DST: variants seen among roughly 807,000 people sequenced by gnomAD.
DST encodes dystonin, also known as bullous pemphigoid antigen.
In DST, 253 loss-of-function variants were observed where a neutral mutation model predicts 875.2. The ratio of observed to expected loss-of-function variants is 0.29; its 90% CI spans 0.26 to 0.32. DST has a LOEUF of 0.32. DST is among the 10% of genes least tolerant of loss of function. DST has a pLI of 1.00. For missense variants in DST, 8,287 were observed against 9,111.6 expected, an observed-to-expected ratio of 0.91 and a Z score of 3.68; for synonymous variants, 3,124 against 3,197.1, an observed-to-expected ratio of 0.98 and a Z score of 0.77.
At chr6:56,894,930 C>A (rs1790333896) in intron 3 of DST, among the ~76,000 whole-genome samples, 1 of 64,670 alleles carries the variant, frequency 1.5e-5, no homozygotes, top group South Asian at 4.8e-4. Flanking sequence ...TAGGGGCGGC[C>A]GGGCAGAGGC....
intron 69 of DST, among the ~76,000 whole-genome samples, chr6:56,525,466 A>G (rs1467323399): frequency 2.6e-5 from 4 of 152,190 alleles, no homozygotes; most frequent in African/African-American, 7.2e-5. Flanking sequence ...GCAGAACATT[A>G]TGCTTTAGAA....
At chr6:56,830,003 T>C (rs1482390926) in intron 4 of DST, among the ~76,000 whole-genome samples, 1 of 152,166 alleles carries the variant, frequency 6.6e-6, no homozygotes, top group Non-Finnish European at 1.5e-5. Flanking sequence ...TAATTGGATA[T>C]ATAACTCAAG....
chr6:56,935,784 G>T (rs1812710402), intron 2 of DST, among the ~76,000 whole-genome samples: 1 of 152,058 alleles, frequency 6.6e-6, no homozygotes, highest in African/African-American at 2.4e-5. Flanking sequence ...AATTAGCTGG[G>T]CATGGTGGTG....
At chr6:56,627,154 A>G in intron 34 of DST, 50 bp downstream of exon 34, 1 of 1,344,066 alleles carries the variant, frequency 7.4e-7, no homozygotes, top group South Asian at 1.2e-5. Context: ...GTACATGTAG[A>G]ATCACAAACC....
chr6:56,642,866 T>C lies in DST; in HGVS notation c.1779-363A>G, dbSNP rs1587614150. The C allele has an allele frequency of 2.5e-6, 4 of 1,602,584 alleles. No homozygotes were observed. The East Asian group carries it at 8.9e-5, about 36-fold the overall frequency. ...GTAGGAGGTCTGGAAAAAGCTCTAC[T>C]TCTAACGGTGAAAAGTGGCAGCTGA... is the stretch of plus-strand genomic sequence containing the variant. On this transcript the variant is annotated intron_variant, in intron 15 of 103. Coordinates refer to ENST00000680361, the MANE Select transcript of DST (RefSeq NM_001374736.1).
intron 2 of DST, among the ~76,000 whole-genome samples, chr6:56,916,776 TCTCACACACACACA>T (rs1343093580): frequency 9.7e-4 from 70 of 71,972 alleles, no homozygotes; most frequent in African/African-American, 3.7e-3. Context: ...TCTCTCTCTC[TCTCACACACACACA>T]CACACACACA....
At chr6:56,532,651 T>G in intron 63 of DST, 141 bp from the exon 64 acceptor site, 1 of 797,702 alleles carries the variant, frequency 1.3e-6, no homozygotes, top group Non-Finnish European at 1.9e-6. Flanking sequence ...AAAGCGAGAT[T>G]TTAAAGGTAA....
intron 47 of DST, among the ~76,000 whole-genome samples, chr6:56,594,632 G>T (rs2098339747): frequency 6.6e-6 from 1 of 152,082 alleles, no homozygotes; most frequent in Admixed American, 6.6e-5. Flanking sequence ...CTTTTAAATA[G>T]GGAAAAAGAA....
chr6:56,806,985 A>G (rs951869673), intron 4 of DST, among the ~76,000 whole-genome samples: 7 of 152,212 alleles, frequency 4.6e-5, no homozygotes, highest in African/African-American at 1.7e-4. Context: ...GAGAAATTAA[A>G]GGAGATCTAA....
intron 2 of DST, among the ~76,000 whole-genome samples, chr6:56,915,834 A>C (rs906758651): frequency 2.6e-5 from 4 of 152,234 alleles, no homozygotes; most frequent in African/African-American, 9.6e-5. Context: ...TACGCAAGGG[A>C]AGAATGAGTG....
rs543699475 is a variant in DST, at chr6:56,587,281, C to T, written c.12903+4901G>A. On this transcript the variant is annotated intron_variant, in intron 49 of 103. Transcript: ENST00000680361. ...TGAAGAATGCAGAAGCCTCAGGAGCCGATGCGATCAACTGGAAGAAAGGGT... is the reference window on the plus strand; with the variant it reads ...TGAAGAATGCAGAAGCCTCAGGAGCTGATGCGATCAACTGGAAGAAAGGGT... 2.1e-3 allele frequency among the ~76,000 whole-genome samples: 317 copies of T among 152,012 alleles called. 1 individual carries two copies. Among genetic ancestry groups the T allele is most frequent in the African/African-American group, 7.0e-3 (291 of 41,452 alleles).
At chr6:56,632,510 T>C (rs1410220129) in intron 28 of DST, among the ~76,000 whole-genome samples, 4 of 152,188 alleles carry the variant, frequency 2.6e-5, no homozygotes, top group Non-Finnish European at 5.9e-5. Context: ...GCAAAAACCT[T>C]TTGCTTTAAT....
intron 9 of DST, among the ~76,000 whole-genome samples, chr6:56,682,359 A>G (rs2099161078): frequency 6.6e-6 from 1 of 152,102 alleles, no homozygotes; most frequent in South Asian, 2.1e-4. Context: ...TTCACTTCAC[A>G]TAAGTAAGCT....
At position 56,646,121 on chromosome 6, in the gene DST, T is replaced by A; in HGVS notation, c.1616A>T (p.Lys539Ile). 1 of 1,545,874 alleles carries A rather than the reference T, an allele frequency of 6.5e-7. No individual in the cohort carries two copies. Among genetic ancestry groups the A allele is most frequent in the Non-Finnish European group, 8.8e-7 (1 of 1,138,402 alleles). ...ETEIPPKETE[K>I]SKIKRLYKLL... ...TTTATATAGACGTTTAATTTTTGATTTTTCTGTCTCCTTTGGTGGAATTTC... is the reference window on the plus strand; with the variant it reads ...TTTATATAGACGTTTAATTTTTGATATTTCTGTCTCCTTTGGTGGAATTTC... The change falls in exon 14 of 104, where the codon AAA (lysine) becomes ATA (isoleucine). Residue 539 changes from lysine to isoleucine, a missense_variant. This residue lies in a region of DST where 1,160 missense variants were observed against 1,424.3 expected (regional missense o/e 0.81). Transcript: ENST00000680361.
Position 56,511,381 on chromosome 6 carries a change from G to C in DST, c.18596C>G (p.Ala6199Gly), listed in dbSNP as rs1379388258. Residue 6199 changes from alanine (A) to glycine (G), a missense_variant, in exon 73 of 104, where the codon GCT becomes GGT. Physicochemically the swap from Ala to Gly is moderately conservative, Grantham distance 60. Coordinates refer to ENST00000680361, the MANE Select transcript of DST (RefSeq NM_001374736.1). ...EEHRQLRELIAEHKPHIDKMN... is the reference protein window; with the variant it reads ...EEHRQLRELIGEHKPHIDKMN... The stretch of plus-strand genomic sequence containing the variant: ...CTTATCTATATGAGGCTTGTGTTCA[G>C]CTATCAACTCACGCAGTTGCTATAA... 6.2e-7 allele frequency: 1 copy of C among 1,605,388 alleles called. No homozygotes were observed. Among genetic ancestry groups the C allele is most frequent in the Non-Finnish European group, 8.5e-7 (1 of 1,175,710 alleles).
chr6:56,515,609 C>A lies in DST; in HGVS notation c.18417G>T (p.Arg6139Ser), dbSNP rs1057519122. The change falls in exon 72 of 104, where the codon AGG becomes AGT. Residue 6139 changes from arginine to serine, a missense_variant. Arg to Ser is a moderately radical substitution (Grantham distance 110). Around this residue, in one of 10 missense-constraint regions of DST, gnomAD observed 1,292 missense variants for 1,552.7 expected, o/e 0.83. Transcript: ENST00000680361. ...ACTGTGCCCGTTCCAGCTGCAGATA[C>A]CTTTCTGAATTAATCTGGCAGATGG... ...YDTICQINSE[R>S]YLQLERAQSL... 1 of 1,613,666 alleles carries A rather than the reference C, an allele frequency of 6.2e-7. No homozygotes were observed. Among genetic ancestry groups the A allele is most frequent in the Non-Finnish European group, 8.5e-7 (1 of 1,179,734 alleles).
intron 4 of DST, among the ~76,000 whole-genome samples, chr6:56,820,761 C>A (rs1362942058): frequency 6.6e-6 from 1 of 151,948 alleles, no homozygotes; most frequent in Non-Finnish European, 1.5e-5. Context: ...GTGATTATTA[C>A]AAGTTATCTC....
At chr6:56,694,730 G>A (rs1225256654) in intron 9 of DST, among the ~76,000 whole-genome samples, 1 of 152,134 alleles carries the variant, frequency 6.6e-6, no homozygotes, top group Non-Finnish European at 1.5e-5. Flanking sequence ...GACTCCCAAT[G>A]TTGGAGATGG....
intron 9 of DST, among the ~76,000 whole-genome samples, chr6:56,698,318 A>G (rs947728276): frequency 1.3e-5 from 2 of 149,306 alleles, no homozygotes; most frequent in Non-Finnish European, 3.0e-5. Context: ...CAGCCAACTT[A>G]AAAAAAAAAA....
Sources: gnomAD v4.1 joint callset for allele counts (sites outside exome capture counted in the v4.1 genomes callset) on GRCh38, gnomAD v4.1.1 for gene constraint, gnomAD v4.1.1 regional missense constraint, MANE v1.5 for transcripts, NCBI Gene and HGNC (gene_info 2026-07-23, HGNC 2026-07-21) for gene names.